The following ANO10 variants were observed in gnomAD, a reference collection of about 807,000 sequenced individuals.
ANO10 encodes anoctamin-10.
In ANO10, 77 loss-of-function variants were observed where a neutral mutation model predicts 74.7. The observed-to-expected ratio is 1.03, with a 90% CI of 0.86 to 1.25. ANO10 has a LOEUF of 1.25. Ranked by LOEUF, ANO10 falls within the 50% of genes most tolerant of loss-of-function variation. The pLI, the probability that ANO10 is intolerant of heterozygous loss-of-function variation, is 0.00. For missense variants in ANO10, 721 were observed against 778.1 expected, an observed-to-expected ratio of 0.93 and a Z score of 0.87; for synonymous variants, 279 against 284.9, an observed-to-expected ratio of 0.98 and a Z score of 0.21.
intron 11 of ANO10, among the ~76,000 whole-genome samples, chr3:43,482,130 G>T (rs889229160): frequency 6.6e-6 from 1 of 151,696 alleles, no homozygotes; most frequent in African/African-American, 2.4e-5. Context: ...GGGTTTCGCC[G>T]TGTTAGCCAG....
At chr3:43,686,165 T>C (rs1575593424) in intron 1 of ANO10, among the ~76,000 whole-genome samples, 1 of 152,188 alleles carries the variant, frequency 6.6e-6, no homozygotes, top group African/African-American at 2.4e-5. Flanking sequence ...TCTCATGCCT[T>C]ACTCCAGACT....
At chr3:43,406,180 C>T (rs760416016) in intron 12 of ANO10, among the ~76,000 whole-genome samples, 20 of 152,296 alleles carry the variant, frequency 1.3e-4, no homozygotes, top group African/African-American at 4.6e-4. Flanking sequence ...GCAACCACTC[C>T]GTGCCATCTT....
At chr3:43,476,124 C>T (rs1252948485) in intron 11 of ANO10, among the ~76,000 whole-genome samples, 3 of 152,166 alleles carry the variant, frequency 2.0e-5, no homozygotes, top group Admixed American at 6.5e-5. Flanking sequence ...ATAATGTTAA[C>T]TAGTTTTACA....
At chr3:43,656,612 A>G (rs964134445) in intron 1 of ANO10, among the ~76,000 whole-genome samples, 2 of 152,226 alleles carry the variant, frequency 1.3e-5, no homozygotes, top group African/African-American at 4.8e-5. Context: ...TCGAGCACAG[A>G]GCCGGTGGGC....
intron 12 of ANO10, among the ~76,000 whole-genome samples, chr3:43,426,469 T>A (rs1168123288): frequency 6.6e-6 from 1 of 152,184 alleles, no homozygotes; most frequent in Non-Finnish European, 1.5e-5. Context: ...TAGTAGTGTC[T>A]CCTTAAAGTC....
At chr3:43,563,127 A>T in intron 8 of ANO10, among the ~76,000 whole-genome samples, 1 of 152,206 alleles carries the variant, frequency 6.6e-6, no homozygotes, top group East Asian at 1.9e-4. Context: ...AATACCAAAA[A>T]TACAAATAAT....
chr3:43,414,834 T>C (rs960386039), intron 12 of ANO10, among the ~76,000 whole-genome samples: 3 of 152,164 alleles, frequency 2.0e-5, no homozygotes, highest in Non-Finnish European at 2.9e-5. Context: ...TTAAGAATTT[T>C]GTGTTACTTA....
At chr3:43,565,975 C>A (rs962688277) in intron 7 of ANO10, among the ~76,000 whole-genome samples, 7 of 152,102 alleles carry the variant, frequency 4.6e-5, no homozygotes, top group Non-Finnish European at 7.4e-5. Flanking sequence ...TCAGTGGGTG[C>A]GCGCACCGTG....
intron 7 of ANO10, among the ~76,000 whole-genome samples, chr3:43,568,674 G>A (rs1189402710): frequency 1.2e-4 from 18 of 149,954 alleles, no homozygotes; most frequent in South Asian, 6.6e-4. Flanking sequence ...TCTCTGGGGC[G>A]CATTCAAAGC....
At chr3:43,573,932 G>A (rs1018291591) in intron 7 of ANO10, among the ~76,000 whole-genome samples, 1 of 152,138 alleles carries the variant, frequency 6.6e-6, no homozygotes, top group African/African-American at 2.4e-5. Context: ...TATCTAAAAA[G>A]TGGGTTAGTT....
chr3:43,408,712 G>C (rs753150218), intron 12 of ANO10, among the ~76,000 whole-genome samples: 4 of 152,122 alleles, frequency 2.6e-5, no homozygotes, highest in Admixed American at 6.6e-5. Flanking sequence ...CTGGTGATTC[G>C]AGGATAGAAC....
intron 11 of ANO10, among the ~76,000 whole-genome samples, chr3:43,452,431 T>C (rs2074918844): frequency 1.3e-5 from 2 of 152,252 alleles, no homozygotes; most frequent in Admixed American, 1.3e-4. Flanking sequence ...TCATACAGTA[T>C]GTGGTCCTTT....
At chr3:43,402,006 C>T (rs528533709) in intron 12 of ANO10, among the ~76,000 whole-genome samples, 1 of 152,320 alleles carries the variant, frequency 6.6e-6, no homozygotes, top group South Asian at 2.1e-4. Context: ...GCTTTAGGCA[C>T]AGTCCGGCTT....
intron 12 of ANO10, among the ~76,000 whole-genome samples, chr3:43,373,972 A>T (rs1428926086): frequency 5.3e-5 from 8 of 152,208 alleles, no homozygotes; most frequent in Admixed American, 1.3e-4. Context: ...GTGGACACTG[A>T]TATTTTCTCC....
intron 3 of ANO10, among the ~76,000 whole-genome samples, chr3:43,599,592 G>A (rs2082242295): frequency 6.6e-6 from 1 of 152,022 alleles, no homozygotes; most frequent in African/African-American, 2.4e-5. Flanking sequence ...TTACATGATT[G>A]TTTTCTTGTA....
chr3:43,676,253 G>A (rs1423065768), intron 1 of ANO10, among the ~76,000 whole-genome samples: 1 of 151,820 alleles, frequency 6.6e-6, no homozygotes, highest in Non-Finnish European at 1.5e-5. Flanking sequence ...GAGCCTGGGA[G>A]TTTGACACCA....
At chr3:43,540,482 A>G (rs2078907350) in intron 11 of ANO10, among the ~76,000 whole-genome samples, 1 of 152,242 alleles carries the variant, frequency 6.6e-6, no homozygotes, top group Non-Finnish European at 1.5e-5. Flanking sequence ...TCAATCTGAC[A>G]GCAATTTGTC....
At chr3:43,460,026 T>A (rs1165176498) in intron 11 of ANO10, among the ~76,000 whole-genome samples, 1 of 152,088 alleles carries the variant, frequency 6.6e-6, no homozygotes, top group South Asian at 2.1e-4. Context: ...ATCTCTCATA[T>A]CCATTTGGAG....
intron 12 of ANO10, among the ~76,000 whole-genome samples, chr3:43,412,012 T>C (rs1473267764): frequency 2.7e-5 from 4 of 148,128 alleles, no homozygotes; most frequent in Non-Finnish European, 6.0e-5. Flanking sequence ...TATTTATATA[T>C]ATAATATATA....
Sources: gnomAD v4.1 joint callset for allele counts (sites outside exome capture counted in the v4.1 genomes callset) on GRCh38, gnomAD v4.1.1 for gene constraint, MANE v1.5 for transcripts, NCBI Gene and HGNC (gene_info 2026-07-23, HGNC 2026-07-21) for gene names.